The following TSNAX variants were observed in gnomAD, a reference collection of about 807,000 sequenced individuals.
The protein encoded by TSNAX is translin-associated protein X.
TSNAX carries 12 observed loss-of-function variants against 33.0 expected under a neutral mutation model. That is an observed-to-expected ratio of 0.36 (90% CI 0.23 to 0.59). TSNAX has a LOEUF of 0.59. Among genes scored for constraint, TSNAX ranks in the 20% least tolerant of loss-of-function variants. TSNAX has a pLI of 0.74. For synonymous variants in TSNAX, 110 were observed against 117.2 expected, an observed-to-expected ratio of 0.94 and a Z score of 0.40; for missense variants, 267 against 341.3, an observed-to-expected ratio of 0.78 and a Z score of 1.72.
At chr1:231,530,781 G>A (rs1436968680) in intron 2 of TSNAX, among the ~76,000 whole-genome samples, 1 of 151,564 alleles carries the variant, frequency 6.6e-6, no homozygotes, top group African/African-American at 2.4e-5. Flanking sequence ...CCAGCTACTC[G>A]GGAGGCTGAG....
Position 231,561,177 on chromosome 1 carries a change from A to C in TSNAX, c.417A>C (p.Thr139=). 1 of 1,609,432 alleles carries C rather than the reference A, an allele frequency of 6.2e-7. No individual in the cohort carries two copies. Among genetic ancestry groups the C allele is most frequent in the Non-Finnish European group, 8.5e-7 (1 of 1,177,010 alleles). The change falls in exon 5 of 6, where the codon ACA becomes ACC. Residue 139 remains threonine (T), a synonymous_variant. Coordinates refer to ENST00000366639, the MANE Select transcript of TSNAX (RefSeq NM_005999.3). The part of the protein sequence containing the change: ...EAVSFQHFIK[T]RSLISMDEIN... ...TCTCTTTTCAACACTTCATCAAAAC[A>C]CGATCATTAATTAGTATGGATGAAA... is the stretch of plus-strand genomic sequence containing the variant.
At position 231,549,968 on chromosome 1, in the gene TSNAX, T is replaced by G. The variant is rs114378345; in HGVS notation, c.367+7357T>G. ...AATTTGATGTCCCCTGAGGCCTCTT[T>G]CCATGACATGCAGATGGCTATCTTT... On this transcript the variant is annotated intron_variant, in intron 4 of 5. Coordinates refer to ENST00000366639, the MANE Select transcript of TSNAX (RefSeq NM_005999.3). Among the ~76,000 whole-genome samples the G allele has an allele frequency of 6.1e-3, 928 of 152,320 alleles. 9 individuals carry two copies. The highest frequency in any genetic ancestry group is 0.021 in the African/African-American group (882 of 41,576).
intron 2 of TSNAX, among the ~76,000 whole-genome samples, chr1:231,533,126 G>A (rs996445116): frequency 6.6e-6 from 1 of 150,952 alleles, no homozygotes; most frequent in African/African-American, 2.4e-5. Flanking sequence ...GCGTGCAGTG[G>A]TGCAGTCTCA....
chr1:231,560,806 C>T (rs963634886), intron 4 of TSNAX, among the ~76,000 whole-genome samples: 3 of 151,862 alleles, frequency 2.0e-5, no homozygotes, highest in Non-Finnish European at 4.4e-5. Flanking sequence ...ATTACAGGCG[C>T]CCGCCACCAT....
At chr1:231,529,488 A>G in intron 2 of TSNAX, 129 bp downstream of exon 2, 1 of 840,746 alleles carries the variant, frequency 1.2e-6, no homozygotes, top group Non-Finnish European at 1.8e-6. Context: ...ATGGCGCTAG[A>G]TGTACCCTAA....
At chr1:231,535,745 A>T (rs894826650) in intron 2 of TSNAX, 4 of 152,254 alleles carry the variant, frequency 2.6e-5, no homozygotes, top group African/African-American at 9.6e-5. Flanking sequence ...CAAAGTGCTG[A>T]CATTTAAGGA....
intron 3 of TSNAX, among the ~76,000 whole-genome samples, chr1:231,540,113 G>T (rs1045447875): frequency 2.1e-5 from 3 of 143,986 alleles, no homozygotes; most frequent in Admixed American, 7.4e-5. Flanking sequence ...AGCGGAGGTT[G>T]CTTGAACTCA....
chr1:231,529,441 A>G (rs1658505024), intron 2 of TSNAX, 82 bp downstream of exon 2: 1 of 1,397,596 alleles, frequency 7.2e-7, no homozygotes, highest in Non-Finnish European at 1.0e-6. Flanking sequence ...AACAGTCCCT[A>G]AGAATTTAAT....
At chr1:231,545,631 CTTAAG>C (rs1314386058) in intron 4 of TSNAX, among the ~76,000 whole-genome samples, 2 of 150,538 alleles carry the variant, frequency 1.3e-5, no homozygotes, top group East Asian at 1.9e-4. Flanking sequence ...ATGTTTTTTT[CTTAAG>C]TTTAGTTTAT....
In TSNAX at chr1:231,565,199, T is replaced by C; in HGVS notation, c.*294T>C. The C allele has an allele frequency of 4.4e-6, 1 of 226,966 alleles. No homozygotes were observed. Among genetic ancestry groups the C allele is most frequent in the Non-Finnish European group, 8.6e-6 (1 of 116,704 alleles). The allele number at this position is 226,966 out of a possible 1,614,324, so 14.1% of individuals were successfully genotyped here. On this transcript the variant is annotated 3_prime_UTR_variant, in exon 6 of 6. Coordinates refer to ENST00000366639, the MANE Select transcript of TSNAX (RefSeq NM_005999.3). ...TGAACATGCTTCAGAGTGTACCTTT[T>C]GCCATAACCTATTTTAATTTACTTT...
In TSNAX at chr1:231,564,653, G is replaced by T. The variant is rs1661316893; in HGVS notation, c.621G>T (p.Gly207=). The change falls in exon 6 of 6, where the codon GGG becomes GGT. Residue 207 remains glycine, a synonymous_variant. Coordinates refer to ENST00000366639, the MANE Select transcript of TSNAX (RefSeq NM_005999.3). The part of the protein sequence containing the change: ...ELMRMCINSV[G]NGDIDTPFEV... ...TGCGGATGTGTATTAACAGTGTGGG[G>T]AATGGGGACATTGATACCCCCTTTG... The T allele has an allele frequency of 5.6e-6, 9 of 1,614,140 alleles. No homozygotes were observed. The South Asian group carries it at 8.8e-5, about 16-fold the overall frequency.
intron 4 of TSNAX, among the ~76,000 whole-genome samples, chr1:231,553,790 G>T (rs748284214): frequency 1.3e-5 from 2 of 150,986 alleles, no homozygotes; most frequent in Non-Finnish European, 2.9e-5. Context: ...AGGTTCAAGC[G>T]ATTCTTTTGC....
At chr1:231,560,339 TAAAAC>T (rs1264282627) in intron 4 of TSNAX, among the ~76,000 whole-genome samples, 1 of 130,118 alleles carries the variant, frequency 7.7e-6, no homozygotes, top group African/African-American at 2.9e-5. Flanking sequence ...CCCAGCAAAA[TAAAAC>T]AAATTAATTT....
At chr1:231,531,544 T>C (rs1042415256) in intron 2 of TSNAX, among the ~76,000 whole-genome samples, 10 of 152,234 alleles carry the variant, frequency 6.6e-5, no homozygotes, top group Non-Finnish European at 1.5e-5. Flanking sequence ...TTTGTGTTCA[T>C]AGTGTCTGAC....
intron 4 of TSNAX, among the ~76,000 whole-genome samples, chr1:231,560,615 G>T (rs572599967): frequency 1.3e-5 from 2 of 149,756 alleles, no homozygotes; most frequent in Non-Finnish European, 3.0e-5. Flanking sequence ...ATGGGGTTTC[G>T]CCATGTTGGC....
intron 4 of TSNAX, 119 bp from the exon 5 acceptor site, chr1:231,561,009 A>T (rs202174976): frequency 1.1e-6 from 1 of 945,972 alleles, no homozygotes; most frequent in Admixed American, 2.8e-5. Flanking sequence ...CTGGCATTGT[A>T]GTAGGCATCC....
chr1:231,529,156 G>T, intron 1 of TSNAX, 99 bp from the exon 2 acceptor site: 1 of 1,219,910 alleles, frequency 8.2e-7, no homozygotes, highest in South Asian at 1.4e-5. Flanking sequence ...AGGGCCCTGT[G>T]GGTATCTGGT....
chr1:231,545,910 A>G (rs7519365), intron 4 of TSNAX, among the ~76,000 whole-genome samples: 7,477 of 152,284 alleles, frequency 0.049, 220 homozygotes, highest in East Asian at 0.1. Context: ...GCTCAGGGTC[A>G]TAAGCTAGCA....
intron 4 of TSNAX, among the ~76,000 whole-genome samples, chr1:231,560,331 C>G (rs1041882064): frequency 6.7e-6 from 1 of 150,116 alleles, no homozygotes; most frequent in African/African-American, 2.5e-5. Flanking sequence ...CTTCGTTACC[C>G]AGCAAAATAA....
Sources: gnomAD v4.1 joint callset for allele counts (sites outside exome capture counted in the v4.1 genomes callset) on GRCh38, gnomAD v4.1.1 for gene constraint, MANE v1.5 for transcripts, NCBI Gene and HGNC (gene_info 2026-07-23, HGNC 2026-07-21) for gene names.